PSKH1: variants seen among roughly 807,000 people sequenced by gnomAD.
The protein encoded by PSKH1 is protein serine kinase H1.
Under a neutral mutation model 26.7 loss-of-function variants are expected in PSKH1, and 12 were observed. The ratio of observed to expected loss-of-function variants is 0.45; its 90% CI spans 0.29 to 0.73. The LOEUF (loss-of-function observed/expected upper bound fraction) is 0.73. Among genes scored for constraint, PSKH1 ranks in the 30% least tolerant of loss-of-function variants. PSKH1 has a pLI of 0.11. For synonymous variants in PSKH1, 213 were observed against 234.3 expected, an observed-to-expected ratio of 0.91 and a Z score of 0.83; for missense variants, 431 against 595.2, an observed-to-expected ratio of 0.72 and a Z score of 2.87.
chr16:67,902,686 A>T (rs529519424), intron 1 of PSKH1, among the ~76,000 whole-genome samples: 1 of 152,258 alleles, frequency 6.6e-6, no homozygotes, highest in African/African-American at 2.4e-5. Context: ...TACCCAGTAC[A>T]TGTGCCTGTA....
Position 67,929,649 on chromosome 16 carries a change from C to T in PSKH1, c.*2007C>T, listed in dbSNP as rs1370890811. Reference sequence around the variant, plus strand: ...TCTGTATTCAGTAAACAGGCTGCCTCTCCAGGGAGGGCTGCCATTCATTCC... The same window carrying T: ...TCTGTATTCAGTAAACAGGCTGCCTTTCCAGGGAGGGCTGCCATTCATTCC... On this transcript the variant is annotated 3_prime_UTR_variant, in exon 3 of 3. Transcript: ENST00000291041. The T allele has an allele frequency of 2.1e-6, 1 of 477,826 alleles. No homozygotes were observed. The highest frequency in any genetic ancestry group is 3.4e-5 in the Admixed American group (1 of 29,748). The allele number at this position is 477,826 out of a possible 1,614,324, so 29.6% of individuals were successfully genotyped here. A position where few individuals can be genotyped will look rare whatever the true frequency, so the allele number is the denominator to read the frequency against.
intron 1 of PSKH1, among the ~76,000 whole-genome samples, chr16:67,897,587 C>G (rs978720165): frequency 6.6e-6 from 1 of 152,074 alleles, no homozygotes; most frequent in Non-Finnish European, 1.5e-5. Flanking sequence ...TTTTGTTTGT[C>G]GCAATCTCTG....
At position 67,909,296 on chromosome 16, in the gene PSKH1, C is replaced by T. The variant is rs776280871; in HGVS notation, c.547C>T (p.Arg183Cys). 9 of 1,613,986 alleles carry T rather than the reference C, an allele frequency of 5.6e-6. No individual in the cohort carries two copies. Among genetic ancestry groups the T allele is most frequent in the Non-Finnish European group, 5.1e-6 (6 of 1,180,036 alleles). Reference protein sequence around the residue: ...ELATGGELFDRIIAKGSFTER... With the variant: ...ELATGGELFDCIIAKGSFTER... ...GGCCACTGGTGGAGAGCTCTTTGAC[C>T]GCATCATTGCCAAGGGCTCCTTCAC... Residue 183 changes from arginine (R) to cysteine (C), a missense_variant, in exon 2 of 3, where the codon CGC (arginine) becomes TGC (cysteine). Coordinates refer to ENST00000291041, the MANE Select transcript of PSKH1 (RefSeq NM_006742.3). The surrounding 1 kb of genome is among the most constrained non-coding windows in gnomAD (Gnocchi z 7.8).
At chr16:67,924,154 C>T (rs751782602) in intron 2 of PSKH1, among the ~76,000 whole-genome samples, 5 of 152,218 alleles carry the variant, frequency 3.3e-5, no homozygotes, top group Admixed American at 6.5e-5. Context: ...CAGTTCAGGA[C>T]GACTTGAGTC....
chr16:67,904,012 G>A (rs1363008268), intron 1 of PSKH1, among the ~76,000 whole-genome samples: 1 of 148,406 alleles, frequency 6.7e-6, no homozygotes. Context: ...ATCATACCCA[G>A]CTGATTTTTT....
intron 1 of PSKH1, among the ~76,000 whole-genome samples, chr16:67,906,066 T>A (rs556812484): frequency 6.6e-6 from 1 of 152,244 alleles, no homozygotes; most frequent in South Asian, 2.1e-4. Context: ...CAGTTCTATT[T>A]GTCATAATTT....
chr16:67,897,175 A>G (rs1417795883), intron 1 of PSKH1, among the ~76,000 whole-genome samples: 4 of 152,216 alleles, frequency 2.6e-5, no homozygotes, highest in Non-Finnish European at 2.9e-5. Context: ...GTATCATTCT[A>G]TCATTCTCTC....
At chr16:67,923,075 G>T (rs1276097496) in intron 2 of PSKH1, among the ~76,000 whole-genome samples, 1 of 152,214 alleles carries the variant, frequency 6.6e-6, no homozygotes, top group Non-Finnish European at 1.5e-5. Context: ...GGTGCGGGGG[G>T]TCCTCAGGCG....
intron 1 of PSKH1, among the ~76,000 whole-genome samples, chr16:67,897,158 T>C (rs1200542997): frequency 6.6e-6 from 1 of 152,230 alleles, no homozygotes; most frequent in Non-Finnish European, 1.5e-5. Context: ...CCGGGTGTTA[T>C]ACAATAGTAT....
At position 67,927,194 on chromosome 16, in the gene PSKH1, C is replaced by T. The variant is rs531546794; in HGVS notation, c.958-131C>T. ...CCTGAGCCAGCGTTGGGCGGGGAGG[C>T]CCCAAGTGCTACATGAGAGGAGGGG... On this transcript the variant is annotated intron_variant, in intron 2 of 2. Transcript: ENST00000291041. This position sits in a 1 kb window ranked among gnomAD's most constrained non-coding sequence, Gnocchi z 5.5. 103 of 916,520 alleles carry T rather than the reference C, an allele frequency of 1.1e-4. 1 individual carries two copies. The highest frequency in any genetic ancestry group is 3.7e-4 in the East Asian group (15 of 40,878). 56.8% of individuals were successfully genotyped at this position (916,520 alleles called of 1,614,324 possible).
chr16:67,903,668 A>C (rs2058147806), intron 1 of PSKH1, among the ~76,000 whole-genome samples: 1 of 151,692 alleles, frequency 6.6e-6, no homozygotes, highest in African/African-American at 2.4e-5. Context: ...ACACATCCAA[A>C]ACTGAACTCT....
rs1414631903 is a variant in PSKH1 at position 67,909,448 on chromosome 16, C to T, written c.699C>T (p.Ser233=). ...TCTACTACCATCCGGGCACTGACTC[C>T]AAGATCATCATCACCGACTTCGGCC... The part of the protein sequence containing the change: ...NLLYYHPGTD[S]KIIITDFGLA... Residue 233 remains serine, a synonymous_variant, in exon 2 of 3, where the codon TCC becomes TCT. Coordinates refer to ENST00000291041, the MANE Select transcript of PSKH1 (RefSeq NM_006742.3). The surrounding 1 kb of genome is among the most constrained non-coding windows in gnomAD (Gnocchi z 7.8). The T allele has an allele frequency of 1.2e-6, 2 of 1,613,486 alleles. No individual in the cohort carries two copies. The highest frequency in any genetic ancestry group is 2.7e-5 in the African/African-American group (2 of 74,880).
intron 1 of PSKH1, among the ~76,000 whole-genome samples, chr16:67,893,828 G>A (rs1487035939): frequency 6.6e-6 from 1 of 152,224 alleles, no homozygotes; most frequent in African/African-American, 2.4e-5. Context: ...GCAGGTCTGA[G>A]TCCAGCTGGG....
chr16:67,896,309 G>A (rs1175424740), intron 1 of PSKH1, among the ~76,000 whole-genome samples: 1 of 151,620 alleles, frequency 6.6e-6, no homozygotes, highest in Non-Finnish European at 1.5e-5. Context: ...AGGTTTCACC[G>A]TATTGCTCAG....
intron 1 of PSKH1, among the ~76,000 whole-genome samples, chr16:67,908,396 A>G (rs1486044095): frequency 6.6e-6 from 1 of 152,182 alleles, no homozygotes; most frequent in African/African-American, 2.4e-5. Flanking sequence ...CAGCCTCCCG[A>G]GTAGGTGGGA....
intron 2 of PSKH1, among the ~76,000 whole-genome samples, chr16:67,921,410 C>A (rs1377875396): frequency 1.3e-5 from 2 of 151,834 alleles, no homozygotes; most frequent in Non-Finnish European, 2.9e-5. Context: ...ACCGTCTCTA[C>A]TAAAAATACA....
intron 2 of PSKH1, among the ~76,000 whole-genome samples, chr16:67,926,425 C>G (rs541179337): frequency 6.6e-6 from 1 of 152,224 alleles, no homozygotes; most frequent in Non-Finnish European, 1.5e-5. Context: ...TGCAGTCTCA[C>G]GTTACAGCTG....
rs59840260 is a variant in PSKH1 at position 67,895,304 on chromosome 16, G to T, written c.-71+1933G>T. 5.0e-3 allele frequency among the ~76,000 whole-genome samples: 763 copies of T among 151,828 alleles called. 8 individuals are homozygous for T. Among genetic ancestry groups the T allele is most frequent in the African/African-American group, 0.017 (723 of 41,388 alleles). ...GGTGTCGAACTCCTGGGCTCAAGCA[G>T]TCCTCCCACCTTGGCCTCCCGAAGT... On this transcript the variant is annotated intron_variant, in intron 1 of 2. Transcript: ENST00000291041.
rs1032356074 is a variant in PSKH1 at position 67,905,783 on chromosome 16, C to T, written c.-70-2897C>T. ...CTGAGGCATGAGAATCGCTTGAACC[C>T]GGGAGGCAGAGGCTGCAGTTAGCTG... On this transcript the variant is annotated intron_variant, in intron 1 of 2. Transcript: ENST00000291041. Among the ~76,000 whole-genome samples, 4 of 152,074 alleles carry T rather than the reference C, an allele frequency of 2.6e-5. No individual in the cohort carries two copies. In the South Asian group the frequency reaches 6.2e-4, roughly 24 times the overall value.
Sources: gnomAD v4.1 joint callset for allele counts (sites outside exome capture counted in the v4.1 genomes callset) on GRCh38, gnomAD v4.1.1 for gene constraint, Gnocchi (gnomAD v3.1) non-coding constraint, MANE v1.5 for transcripts, NCBI Gene and HGNC (gene_info 2026-07-23, HGNC 2026-07-21) for gene names.